Variants in MAMDC2 observed in about 807,000 individuals in gnomAD.
The protein encoded by MAMDC2 is MAM domain-containing protein 2.
Under a neutral mutation model 89.8 loss-of-function variants are expected in MAMDC2, and 57 were observed. The observed-to-expected ratio is 0.63, with a 90% confidence interval of 0.51 to 0.79. The LOEUF (loss-of-function observed/expected upper bound fraction) is 0.79, where lower values mean the gene tolerates loss of function less well. Ranked by LOEUF, MAMDC2 falls within the 30% of genes least tolerant of loss-of-function variation. The pLI is 0.00. For missense variants in MAMDC2, 800 were observed against 820.6 expected, an observed-to-expected ratio of 0.97 and a Z score of 0.31; for synonymous variants, 313 against 293.4, an observed-to-expected ratio of 1.07 and a Z score of -0.68.
intron 11 of MAMDC2, among the ~76,000 whole-genome samples, chr9:70,174,544 A>G (rs1432931280): frequency 6.6e-6 from 1 of 152,168 alleles, no homozygotes. Flanking sequence ...TGTTCCAGGT[A>G]GAGGGGACAG....
intron 9 of MAMDC2, among the ~76,000 whole-genome samples, chr9:70,162,609 A>G (rs555055686): frequency 1.3e-5 from 2 of 151,628 alleles, no homozygotes; most frequent in East Asian, 3.9e-4. Flanking sequence ...TTCCACCTCA[A>G]CCTCCTGAGT....
intron 10 of MAMDC2, among the ~76,000 whole-genome samples, chr9:70,169,124 T>C (rs2032255829): frequency 6.6e-6 from 1 of 152,202 alleles, no homozygotes; most frequent in Admixed American, 6.5e-5. Flanking sequence ...ACTATTACTG[T>C]TGTTTTTGTT....
At chr9:70,202,848 G>A (rs1346537866) in intron 11 of MAMDC2, among the ~76,000 whole-genome samples, 1 of 150,428 alleles carries the variant, frequency 6.6e-6, no homozygotes, top group East Asian at 1.9e-4. Context: ...TTGGTTTAAA[G>A]TCTGTTTTAT....
intron 11 of MAMDC2, among the ~76,000 whole-genome samples, chr9:70,192,157 A>C (rs561767106): frequency 6.6e-6 from 1 of 152,158 alleles, no homozygotes; most frequent in African/African-American, 2.4e-5. Flanking sequence ...TTTTTCTTAG[A>C]TCTTGATCCC....
At chr9:70,101,209 TAAGGA>T (rs1828183560) in intron 2 of MAMDC2, among the ~76,000 whole-genome samples, 1 of 152,196 alleles carries the variant, frequency 6.6e-6, no homozygotes, top group Non-Finnish European at 1.5e-5. Flanking sequence ...AATAAGGATA[TAAGGA>T]AAGAAAATAT....
intron 5 of MAMDC2, among the ~76,000 whole-genome samples, chr9:70,118,297 A>ACCACACACAC (rs2030100504): frequency 7.1e-6 from 1 of 140,484 alleles, no homozygotes; most frequent in Non-Finnish European, 1.5e-5. Context: ...ATCCCCACTC[A>ACCACACACAC]ACACACACAC....
chr9:70,206,015 T>C (rs1399900118), intron 11 of MAMDC2, among the ~76,000 whole-genome samples: 1 of 152,196 alleles, frequency 6.6e-6, no homozygotes, highest in Non-Finnish European at 1.5e-5. Flanking sequence ...AACGAATGAC[T>C]GGTTTGTGCA....
intron 5 of MAMDC2, among the ~76,000 whole-genome samples, chr9:70,118,903 G>A (rs1420788403): frequency 1.3e-5 from 2 of 152,112 alleles, no homozygotes; most frequent in African/African-American, 4.8e-5. Flanking sequence ...TTCCTTGTAT[G>A]TTCCTAACAA....
intron 2 of MAMDC2, among the ~76,000 whole-genome samples, chr9:70,077,676 G>C (rs923210269): frequency 5.9e-5 from 9 of 152,154 alleles, no homozygotes; most frequent in African/African-American, 1.9e-4. Context: ...TGTTAGTGCT[G>C]TATGCATCAC....
At chr9:70,080,107 CCATT>C (rs1356820069) in intron 2 of MAMDC2, among the ~76,000 whole-genome samples, 1 of 152,124 alleles carries the variant, frequency 6.6e-6, no homozygotes, top group Non-Finnish European at 1.5e-5. Flanking sequence ...AATGACCAAA[CCATT>C]CATGCCTTTA....
chr9:70,168,601 G>T, intron 9 of MAMDC2, 101 bp from the exon 10 acceptor site: 1 of 795,196 alleles, frequency 1.3e-6, no homozygotes. Flanking sequence ...GCTGCTTGTA[G>T]TTTGCCTATG....
intron 7 of MAMDC2, among the ~76,000 whole-genome samples, chr9:70,131,921 G>A (rs964365597): frequency 6.6e-6 from 1 of 152,278 alleles, no homozygotes; most frequent in Non-Finnish European, 1.5e-5. Flanking sequence ...TTTCTCTTTA[G>A]AGGATATCTT....
intron 9 of MAMDC2, among the ~76,000 whole-genome samples, chr9:70,168,260 G>C (rs1266584087): frequency 6.6e-6 from 1 of 152,226 alleles, no homozygotes; most frequent in African/African-American, 2.4e-5. Flanking sequence ...GGGAGGCCAA[G>C]GCAGGCAGAT....
chr9:70,092,593 C>T (rs1003880198), intron 2 of MAMDC2: 1 of 152,198 alleles, frequency 6.6e-6, no homozygotes, highest in Middle Eastern at 3.2e-3. Context: ...TGAGTTCAGA[C>T]ATCAAGCTTC....
At chr9:70,194,627 A>C (rs567515076) in intron 11 of MAMDC2, 1 of 152,168 alleles carries the variant, frequency 6.6e-6, no homozygotes, top group African/African-American at 2.4e-5. Context: ...GCATAAACAG[A>C]CTCACATCTG....
chr9:70,198,608 C>T (rs2033026799), intron 11 of MAMDC2, among the ~76,000 whole-genome samples: 2 of 152,076 alleles, frequency 1.3e-5, no homozygotes, highest in Admixed American at 1.3e-4. Context: ...CTCCCTGATC[C>T]TACTATTCCA....
chr9:70,205,482 T>C (rs753023), intron 11 of MAMDC2, among the ~76,000 whole-genome samples: 10,466 of 152,234 alleles, frequency 0.069, 562 homozygotes, highest in East Asian at 0.22. Context: ...TAGCTGTCCA[T>C]TCCACACAGC....
intron 2 of MAMDC2, among the ~76,000 whole-genome samples, chr9:70,078,817 A>G (rs1011011002): frequency 6.6e-6 from 1 of 152,130 alleles, no homozygotes; most frequent in Non-Finnish European, 1.5e-5. Context: ...TTAAGAAACA[A>G]TGGGTAGCCA....
chr9:70,075,272 T>G (rs1827506821), intron 2 of MAMDC2, among the ~76,000 whole-genome samples: 1 of 152,166 alleles, frequency 6.6e-6, no homozygotes, highest in East Asian at 1.9e-4. Context: ...CAGCACCACC[T>G]TTGCAGCTCA....
Sources: gnomAD v4.1 joint callset for allele counts (sites outside exome capture counted in the v4.1 genomes callset) on GRCh38, gnomAD v4.1.1 for gene constraint, MANE v1.5 for transcripts, NCBI Gene and HGNC (gene_info 2026-07-23, HGNC 2026-07-21) for gene names.